The following GRIK2 variants were observed in gnomAD, a reference collection of about 807,000 sequenced individuals.
GRIK2 encodes the protein glutamate ionotropic receptor kainate type subunit 2.
Under a neutral mutation model 100.3 loss-of-function variants are expected in GRIK2, and 32 were observed. That is an observed-to-expected ratio of 0.32 (90% CI 0.24 to 0.43). The LOEUF is 0.43. Ranked by LOEUF, GRIK2 falls within the 20% of genes least tolerant of loss-of-function variation. The pLI, the probability that GRIK2 is intolerant of heterozygous loss-of-function variation, is 1.00. For synonymous variants in GRIK2, 417 were observed against 389.4 expected, an observed-to-expected ratio of 1.07 and a Z score of -0.83; for missense variants, 843 against 1,114.9, an observed-to-expected ratio of 0.76 and a Z score of 3.47.
chr6:101,795,931 T>A (rs566825612), intron 7 of GRIK2, among the ~76,000 whole-genome samples: 10 of 152,358 alleles, frequency 6.6e-5, no homozygotes, highest in African/African-American at 2.2e-4. Flanking sequence ...CTATAATCTC[T>A]ACCTTTTCTT....
At chr6:101,891,769 C>G (rs1457452760) in intron 12 of GRIK2, among the ~76,000 whole-genome samples, 1 of 152,022 alleles carries the variant, frequency 6.6e-6, no homozygotes, top group African/African-American at 2.4e-5. Flanking sequence ...TGGGGTTCTC[C>G]CCACAGTAAT....
At chr6:102,009,666 CTA>C (rs2114306535) in intron 14 of GRIK2, among the ~76,000 whole-genome samples, 1 of 152,278 alleles carries the variant, frequency 6.6e-6, no homozygotes, top group East Asian at 1.9e-4. Context: ...CCTTATCAAA[CTA>C]ATGAGTTTAC....
chr6:102,026,429 T>C (rs1208819208), intron 14 of GRIK2, among the ~76,000 whole-genome samples: 1 of 151,038 alleles, frequency 6.6e-6, no homozygotes, highest in Non-Finnish European at 1.5e-5. Flanking sequence ...TTCTTAATTG[T>C]ATTTCAGTTT....
chr6:102,023,717 C>T (rs1769547476), intron 14 of GRIK2, among the ~76,000 whole-genome samples: 1 of 151,516 alleles, frequency 6.6e-6, no homozygotes, highest in Middle Eastern at 3.4e-3. Flanking sequence ...CTTGTTAGTA[C>T]CACTTTTTCC....
chr6:101,440,890 G>GTTT (rs71547429), intron 2 of GRIK2, among the ~76,000 whole-genome samples: 3 of 139,748 alleles, frequency 2.1e-5, no homozygotes, highest in African/African-American at 7.9e-5. Flanking sequence ...ATGCTTTTTT[G>GTTT]TTTTTTTTTT....
chr6:101,698,169 CT>C (rs11351781), intron 7 of GRIK2, among the ~76,000 whole-genome samples: 114,664 of 151,364 alleles, frequency 0.76, 45,063 homozygotes, highest in South Asian at 0.89. Flanking sequence ...ATTGTTGATG[CT>C]TTTTTTTCAT....
chr6:101,934,808 G>A (rs1486393660), intron 14 of GRIK2, among the ~76,000 whole-genome samples: 1 of 151,868 alleles, frequency 6.6e-6, no homozygotes, highest in Non-Finnish European at 1.5e-5. Flanking sequence ...ACGATAGTGT[G>A]CTTTTCACAT....
intron 2 of GRIK2, among the ~76,000 whole-genome samples, chr6:101,498,618 G>A (rs2128272083): frequency 1.3e-5 from 2 of 151,456 alleles, no homozygotes; most frequent in South Asian, 4.2e-4. Flanking sequence ...CTGATGGCCA[G>A]TGATGATGAG....
chr6:102,040,427 G>GTACT (rs1770503574), intron 15 of GRIK2, among the ~76,000 whole-genome samples: 1 of 151,496 alleles, frequency 6.6e-6, no homozygotes, highest in African/African-American at 2.4e-5. Flanking sequence ...AAATTATAAT[G>GTACT]TACTTACCCA....
In GRIK2 at chr6:101,676,642, G is replaced by A; in HGVS notation, c.561G>A (p.Glu187=). 6.4e-7 allele frequency: 1 copy of A among 1,554,466 alleles called. No homozygotes were observed. The highest frequency in any genetic ancestry group is 8.7e-7 in the Non-Finnish European group (1 of 1,151,724). ...TTAAAGGTCTCATTCGTTTGCAAGA[G>A]CTCATCAAAGCTCCATCAAGGTATA... ...DDSTGLIRLQ[E]LIKAPSRYNL... Residue 187 remains glutamate (E), a synonymous_variant, in exon 5 of 17, where the codon GAG becomes GAA. Coordinates refer to ENST00000369134, the MANE Select transcript of GRIK2 (RefSeq NM_021956.5).
intron 12 of GRIK2, among the ~76,000 whole-genome samples, 184 bp from the exon 13 acceptor site, chr6:101,924,414 CTGA>C (rs1160796866): frequency 6.6e-6 from 1 of 152,098 alleles, no homozygotes; most frequent in Non-Finnish European, 1.5e-5. Flanking sequence ...TGGAAATTAG[CTGA>C]TAAGGACAGG....
intron 2 of GRIK2, among the ~76,000 whole-genome samples, chr6:101,600,211 G>A (rs1196170736): frequency 6.6e-6 from 1 of 151,772 alleles, no homozygotes; most frequent in African/African-American, 2.4e-5. Flanking sequence ...GATGGCTGTA[G>A]GTATGCAAGT....
rs1775139812 is a variant in GRIK2 at position 101,399,137 on chromosome 6, C to T, written c.-141C>T. 2 of 598,508 alleles carry T rather than the reference C, an allele frequency of 3.3e-6. No individual in the cohort carries two copies. Among genetic ancestry groups the T allele is most frequent in the South Asian group, 4.1e-5 (2 of 48,444 alleles). 37.1% of individuals were successfully genotyped at this position (598,508 alleles called of 1,614,324 possible). A position where few individuals can be genotyped will look rare whatever the true frequency, so the allele number is the denominator to read the frequency against. On this transcript the variant is annotated 5_prime_UTR_variant, in exon 2 of 17. Transcript: ENST00000369134. ...AGCGATTGCTAATGGGTTTGGGAAG[C>T]GGAGACTCCTTCCTCTCTCTATGAC...
chr6:101,988,475 A>G (rs1383736928), intron 14 of GRIK2, among the ~76,000 whole-genome samples: 1 of 151,798 alleles, frequency 6.6e-6, no homozygotes, highest in African/African-American at 2.4e-5. Flanking sequence ...GACAAAGAAT[A>G]TTAGCTCTGG....
chr6:101,884,392 G>T (rs951678821), intron 11 of GRIK2, among the ~76,000 whole-genome samples: 5 of 152,050 alleles, frequency 3.3e-5, no homozygotes, highest in Non-Finnish European at 5.9e-5. Flanking sequence ...TTAGAAGTAT[G>T]CATAAGATGT....
At chr6:101,891,149 G>A (rs1787040779) in intron 12 of GRIK2, among the ~76,000 whole-genome samples, 1 of 148,992 alleles carries the variant, frequency 6.7e-6, no homozygotes, top group South Asian at 2.1e-4. Flanking sequence ...TTTTTCCAAT[G>A]AAGTAATGTA....
intron 15 of GRIK2, among the ~76,000 whole-genome samples, chr6:102,051,685 G>A (rs966709176): frequency 3.3e-5 from 5 of 151,934 alleles, no homozygotes; most frequent in Admixed American, 1.3e-4. Flanking sequence ...GCAACTGAAG[G>A]CCGTCTATTT....
intron 7 of GRIK2, among the ~76,000 whole-genome samples, chr6:101,795,295 A>AT (rs772986386): frequency 6.6e-6 from 1 of 152,044 alleles, no homozygotes; most frequent in Non-Finnish European, 1.5e-5. Flanking sequence ...TCCTCATATG[A>AT]TTTTTACAGC....
chr6:101,687,261 T>A (rs887329907), intron 7 of GRIK2, among the ~76,000 whole-genome samples: 3 of 151,948 alleles, frequency 2.0e-5, no homozygotes, highest in Non-Finnish European at 4.4e-5. Flanking sequence ...GTATGTGTCA[T>A]GTTATTTTTG....
Sources: gnomAD v4.1 joint callset for allele counts (sites outside exome capture counted in the v4.1 genomes callset) on GRCh38, gnomAD v4.1.1 for gene constraint, MANE v1.5 for transcripts, NCBI Gene and HGNC (gene_info 2026-07-23, HGNC 2026-07-21) for gene names.